The following CHODL variants were observed in gnomAD, a reference collection of about 807,000 sequenced individuals.
CHODL encodes transmembrane protein MT75.
Under a neutral mutation model 34.5 loss-of-function variants are expected in CHODL, and 29 were observed. The observed-to-expected ratio is 0.84, with a 90% CI of 0.63 to 1.15. The LOEUF is 1.15. Among genes scored for constraint, CHODL ranks in the 50% most tolerant of loss-of-function variants. The pLI is 0.00. For missense variants in CHODL, 332 were observed against 332.5 expected, an observed-to-expected ratio of 1.00 and a Z score of 0.01; for synonymous variants, 125 against 116.1, an observed-to-expected ratio of 1.08 and a Z score of -0.49.
chr21:18,167,207 CTCTCTGTGTGTGTGTG>C (rs1228960168), intron 2 of CHODL, among the ~76,000 whole-genome samples: 2 of 118,592 alleles, frequency 1.7e-5, no homozygotes, highest in African/African-American at 3.0e-5. Context: ...CCATTTCTCT[CTCTCTGTGTGTGTGTG>C]TGTGTGTGTG....
chr21:18,152,918 A>G (rs1056596335), intron 2 of CHODL, among the ~76,000 whole-genome samples: 9 of 152,210 alleles, frequency 5.9e-5, no homozygotes, highest in African/African-American at 1.9e-4. Context: ...ATCATCAGCA[A>G]AGATGTAAAG....
intron 2 of CHODL, among the ~76,000 whole-genome samples, chr21:18,192,776 A>C (rs1317715771): frequency 6.6e-6 from 1 of 152,152 alleles, no homozygotes; most frequent in Non-Finnish European, 1.5e-5. Flanking sequence ...ATCTTTATTA[A>C]AATTAAATCT....
At chr21:17,953,509 A>G (rs2063474772) in intron 1 of CHODL, among the ~76,000 whole-genome samples, 1 of 152,070 alleles carries the variant, frequency 6.6e-6, no homozygotes, top group African/African-American at 2.4e-5. Flanking sequence ...GAGAAAATAA[A>G]ATACTTTAAA....
At chr21:18,158,834 G>A (rs566035908) in intron 2 of CHODL, among the ~76,000 whole-genome samples, 137 of 75,298 alleles carry the variant, frequency 1.8e-3, no homozygotes, top group African/African-American at 5.5e-3. Context: ...GTGAAACTCC[G>A]TCTTAAAAAA....
chr21:18,108,403 C>T (rs1010386864), intron 2 of CHODL, among the ~76,000 whole-genome samples: 15 of 152,098 alleles, frequency 9.9e-5, no homozygotes, highest in African/African-American at 3.6e-4. Flanking sequence ...CTAGGCTCTA[C>T]TAGAGAGAAA....
Position 18,059,108 on chromosome 21 carries a change from TTAAGA to T in CHODL, c.-45+31138_-45+31142del, listed in dbSNP as rs1327126262. On this transcript the variant is annotated intron_variant, in intron 2 of 6. Transcript: ENST00000400127. ...AAATTAATTAAGGTTAAATGAGGTTTTAAGAGTGAGATCATGATCTGATAGGATTG... is the reference window on the plus strand; with the variant it reads ...AAATTAATTAAGGTTAAATGAGGTTTGTGAGATCATGATCTGATAGGATTG... Among the ~76,000 whole-genome samples, 3 of 152,252 alleles carry T rather than the reference TTAAGA, an allele frequency of 2.0e-5. No individual in the cohort carries two copies. In the East Asian group the frequency reaches 5.8e-4, roughly 29 times the overall value.
At chr21:18,096,647 T>G (rs1354944433) in intron 2 of CHODL, among the ~76,000 whole-genome samples, 11 of 152,294 alleles carry the variant, frequency 7.2e-5, no homozygotes, top group Admixed American at 7.2e-4. Flanking sequence ...TTGTCTGCTC[T>G]CAAACCCTGT....
At chr21:18,180,153 TTTTG>T (rs1167326980) in intron 2 of CHODL, among the ~76,000 whole-genome samples, 1 of 152,176 alleles carries the variant, frequency 6.6e-6, no homozygotes, top group African/African-American at 2.4e-5. Context: ...GTAACATCCT[TTTTG>T]TTTGTTTGTT....
intron 2 of CHODL, among the ~76,000 whole-genome samples, chr21:18,079,183 A>T (rs370817073): frequency 4.6e-5 from 7 of 151,912 alleles, no homozygotes; most frequent in South Asian, 2.1e-4. Context: ...GTCCATGTGT[A>T]CTGATTGTTT....
chr21:17,976,270 G>C (rs1306042325), intron 1 of CHODL, among the ~76,000 whole-genome samples: 1 of 66,524 alleles, frequency 1.5e-5, no homozygotes, highest in East Asian at 1.3e-3. Flanking sequence ...GACCATCTCA[G>C]AAAAAAAAAA....
At chr21:18,253,878 G>T (rs560184371) in intron 1 of CHODL, among the ~76,000 whole-genome samples, 1 of 152,192 alleles carries the variant, frequency 6.6e-6, no homozygotes, top group South Asian at 2.1e-4. Flanking sequence ...TCACGGTCAC[G>T]AAACAGAGGG....
At chr21:18,084,672 G>T (rs532338374) in intron 2 of CHODL, among the ~76,000 whole-genome samples, 1 of 152,198 alleles carries the variant, frequency 6.6e-6, no homozygotes, top group Admixed American at 6.5e-5. Flanking sequence ...TTTAAGACTT[G>T]TTTTATGGCC....
At chr21:18,085,053 CT>C (rs1307934286) in intron 2 of CHODL, among the ~76,000 whole-genome samples, 2 of 150,540 alleles carry the variant, frequency 1.3e-5, no homozygotes, top group Non-Finnish European at 3.0e-5. Flanking sequence ...TAATGATCTT[CT>C]TTTTTATTTT....
At chr21:17,942,123 A>T (rs959410317) in intron 1 of CHODL, among the ~76,000 whole-genome samples, 1 of 151,960 alleles carries the variant, frequency 6.6e-6, no homozygotes, top group Non-Finnish European at 1.5e-5. Context: ...ATGTAATAGT[A>T]AAAAAGTGTA....
chr21:17,933,546 CG>C (rs1438705497), intron 1 of CHODL, among the ~76,000 whole-genome samples: 4 of 152,204 alleles, frequency 2.6e-5, no homozygotes, highest in Non-Finnish European at 5.9e-5. Context: ...TCAGAGAGCA[CG>C]GGGTTGGGGT....
At chr21:18,255,940 TATTA>T (rs1166316712) in intron 1 of CHODL, among the ~76,000 whole-genome samples, 2 of 152,120 alleles carry the variant, frequency 1.3e-5, no homozygotes, top group African/African-American at 2.4e-5. Flanking sequence ...TGTAATATTA[TATTA>T]ATTAATCGTT....
chr21:18,119,061 TA>T (rs1173489447), intron 2 of CHODL, among the ~76,000 whole-genome samples: 1 of 152,152 alleles, frequency 6.6e-6, no homozygotes, highest in Non-Finnish European at 1.5e-5. Context: ...CACGACTCTT[TA>T]AAAAGAAGCT....
intron 2 of CHODL, among the ~76,000 whole-genome samples, chr21:18,044,615 A>G (rs1290137590): frequency 6.6e-6 from 1 of 151,930 alleles, no homozygotes; most frequent in Non-Finnish European, 1.5e-5. Flanking sequence ...CAAGCAGATA[A>G]TCTTCTCTCT....
intron 2 of CHODL, among the ~76,000 whole-genome samples, chr21:18,196,219 C>T (rs980379091): frequency 1.3e-5 from 2 of 152,210 alleles, no homozygotes; most frequent in Non-Finnish European, 2.9e-5. Context: ...AGAGATCCTT[C>T]ATGTGCCTGA....
Sources: allele counts gnomAD v4.1 joint callset (sites outside exome capture counted in the v4.1 genomes callset), GRCh38; gene constraint gnomAD v4.1.1; transcripts MANE v1.5; gene names NCBI Gene and HGNC (gene_info 2026-07-23, HGNC 2026-07-21).